The following DAGLA variants were observed in gnomAD, a reference collection of about 807,000 sequenced individuals.
DAGLA encodes diacylglycerol lipase alpha.
DAGLA carries 22 observed loss-of-function variants against 102.6 expected under a neutral mutation model. That is an observed-to-expected ratio of 0.21 (90% CI 0.15 to 0.31). The LOEUF (loss-of-function observed/expected upper bound fraction) is 0.31. Among genes scored for constraint, DAGLA ranks in the 10% least tolerant of loss-of-function variants. The pLI is 1.00. For synonymous variants in DAGLA, 578 were observed against 628.9 expected, an observed-to-expected ratio of 0.92 and a Z score of 1.21; for missense variants, 927 against 1,446.6, an observed-to-expected ratio of 0.64 and a Z score of 5.83.
At chr11:61,718,786 C>T (rs1292690912) in intron 1 of DAGLA, among the ~76,000 whole-genome samples, 1 of 152,224 alleles carries the variant, frequency 6.6e-6, no homozygotes, top group African/African-American at 2.4e-5. Context: ...CCACAGCTCG[C>T]CAAGTGGCTG....
In DAGLA at chr11:61,738,728, G is replaced by T. The variant is rs562191740; in HGVS notation, c.1656+521G>T. On this transcript the variant is annotated intron_variant, in intron 16 of 19. Coordinates refer to ENST00000257215, the MANE Select transcript of DAGLA (RefSeq NM_006133.3). ...GGTCTCTGGAGGACACTGGCAGACGGGGTGGCCAGGTGGGGGTGGGGACAT... is the reference window on the plus strand; with the variant it reads ...GGTCTCTGGAGGACACTGGCAGACGTGGTGGCCAGGTGGGGGTGGGGACAT... 2.6e-5 allele frequency among the ~76,000 whole-genome samples: 4 copies of T among 152,302 alleles called. No individual in the cohort carries two copies. In the South Asian group the frequency reaches 8.3e-4, roughly 32 times the overall value.
At chr11:61,736,395 C>T (rs1309800268) in intron 13 of DAGLA, 45 bp downstream of exon 13, 5 of 1,497,084 alleles carry the variant, frequency 3.3e-6, no homozygotes, top group African/African-American at 1.4e-5. Context: ...ACCTGGGTCC[C>T]CCTCCTCCAA....
chr11:61,722,964 C>T lies in DAGLA; in HGVS notation c.409+4C>T, dbSNP rs771379549. On this transcript the variant is annotated splice_donor_region_variant and intron_variant, in intron 4 of 19. Coordinates refer to ENST00000257215, the MANE Select transcript of DAGLA (RefSeq NM_006133.3). ...ACTGCCAAGAATGTCACCCTCGGTACGTCTGGGTGAGGCCTGCTGGAGCCT... is the reference window on the plus strand; with the variant it reads ...ACTGCCAAGAATGTCACCCTCGGTATGTCTGGGTGAGGCCTGCTGGAGCCT... The T allele has an allele frequency of 3.8e-5, 61 of 1,608,964 alleles. No homozygotes were observed. The highest frequency in any genetic ancestry group is 1.8e-4 in the East Asian group (8 of 44,846).
chr11:61,721,900 C>T (rs941531386), intron 3 of DAGLA, among the ~76,000 whole-genome samples: 4 of 152,254 alleles, frequency 2.6e-5, no homozygotes, highest in South Asian at 2.1e-4. Flanking sequence ...TTTGAACCCA[C>T]GCTGTCTGGC....
At chr11:61,739,438 C>A in intron 16 of DAGLA, 27 bp from the exon 17 acceptor site, 1 of 1,608,148 alleles carries the variant, frequency 6.2e-7, no homozygotes, top group Admixed American at 1.7e-5. Flanking sequence ...AGCTCTGTCC[C>A]CATCTCTCCC....
intron 14 of DAGLA, among the ~76,000 whole-genome samples, 155 bp downstream of exon 14, chr11:61,737,479 C>G (rs1429370675): frequency 6.6e-6 from 1 of 151,976 alleles, no homozygotes; most frequent in East Asian, 1.9e-4. Flanking sequence ...CTCTGAAATG[C>G]CATGCGCCCC....
intron 3 of DAGLA, 50 bp from the exon 4 acceptor site, chr11:61,722,809 C>G: frequency 1.3e-6 from 2 of 1,510,312 alleles, no homozygotes; most frequent in Non-Finnish European, 1.8e-6. Flanking sequence ...AGGCCCTTCC[C>G]TGGCATGCAA....
chr11:61,739,462 C>T lies in DAGLA; in HGVS notation c.1657-3C>T, dbSNP rs780055445. On this transcript the variant is annotated splice_polypyrimidine_tract_variant and splice_region_variant and intron_variant, in intron 16 of 19. Coordinates refer to ENST00000257215, the MANE Select transcript of DAGLA (RefSeq NM_006133.3). ...CCCATCTCTCCCACTCCACCCCGCG[C>T]AGTGGCGGATCATCGTGGGGGCCAC... 1 of 1,613,110 alleles carries T rather than the reference C, an allele frequency of 6.2e-7. No individual in the cohort carries two copies. Among genetic ancestry groups the T allele is most frequent in the East Asian group, 2.2e-5 (1 of 44,862 alleles).
At chr11:61,682,309 C>A (rs571661489) in intron 1 of DAGLA, among the ~76,000 whole-genome samples, 15 of 152,204 alleles carry the variant, frequency 9.9e-5, no homozygotes, top group African/African-American at 3.6e-4. Context: ...AGTAAAGAGA[C>A]CAGGGCTGGA....
rs1367225064 is a variant in DAGLA, at chr11:61,728,951, C to T, written c.792C>T (p.Ala264=). Residue 264 remains alanine (A), a synonymous_variant, in exon 8 of 20, where the codon GCC becomes GCT. Coordinates refer to ENST00000257215, the MANE Select transcript of DAGLA (RefSeq NM_006133.3). The part of the protein sequence containing the change: ...VLDEANNDIL[A]FLSGMPVTRN... ...TACAGGCAAACAATGACATCTTGGC[C>T]TTCCTGTCTGGGATGCCGGTGACCA... 2.5e-6 allele frequency: 4 copies of T among 1,614,204 alleles called. No homozygotes were observed. In the South Asian group the frequency reaches 4.4e-5, roughly 18 times the overall value.
At chr11:61,726,301 G>A (rs991147388) in intron 6 of DAGLA, among the ~76,000 whole-genome samples, 4 of 152,214 alleles carry the variant, frequency 2.6e-5, no homozygotes, top group Admixed American at 6.5e-5. Context: ...CAAGGGAACA[G>A]AAAGCTGTGA....
At chr11:61,732,991 G>C (rs958378171) in intron 9 of DAGLA, among the ~76,000 whole-genome samples, 1 of 152,174 alleles carries the variant, frequency 6.6e-6, no homozygotes, top group African/African-American at 2.4e-5. Flanking sequence ...GGTCCTCCTG[G>C]CCCACACATC....
At chr11:61,689,347 G>A (rs1308607800) in intron 1 of DAGLA, among the ~76,000 whole-genome samples, 1 of 152,156 alleles carries the variant, frequency 6.6e-6, no homozygotes, top group African/African-American at 2.4e-5. Context: ...GAGTCTGCCT[G>A]GTCTCCAAGA....
In DAGLA at chr11:61,687,841, G is replaced by A. The variant is rs142724827; in HGVS notation, c.-45+7337G>A. On this transcript the variant is annotated intron_variant, in intron 1 of 19. Coordinates refer to ENST00000257215, the MANE Select transcript of DAGLA (RefSeq NM_006133.3). ...TCCTCATGACCATAACAAGGAGCAT[G>A]GGACTGCTGGGCCTGGAGTGTTCCT... is the stretch of plus-strand genomic sequence containing the variant. Among the ~76,000 whole-genome samples the A allele has an allele frequency of 2.7e-3, 409 of 152,312 alleles. 2 individuals are homozygous for A. The highest frequency in any genetic ancestry group is 9.2e-3 in the African/African-American group (384 of 41,558).
At chr11:61,712,540 C>T (rs1225587828) in intron 1 of DAGLA, among the ~76,000 whole-genome samples, 1 of 152,256 alleles carries the variant, frequency 6.6e-6, no homozygotes, top group East Asian at 1.9e-4. Flanking sequence ...GGACCTATCT[C>T]ATGCTGAAAT....
intron 1 of DAGLA, among the ~76,000 whole-genome samples, chr11:61,690,674 C>T (rs532083286): frequency 3.9e-5 from 6 of 152,228 alleles, no homozygotes; most frequent in East Asian, 3.9e-4. Flanking sequence ...TTAGAGGCTG[C>T]GTGTTTGTAG....
At chr11:61,725,641 C>T (rs1294127098) in intron 5 of DAGLA, among the ~76,000 whole-genome samples, 1 of 152,160 alleles carries the variant, frequency 6.6e-6, no homozygotes, top group Non-Finnish European at 1.5e-5. Context: ...AGGGTAGCCC[C>T]CACTTAGGGC....
Position 61,729,197 on chromosome 11 carries a change from C to T in DAGLA, c.849+189C>T, listed in dbSNP as rs200650990. Among the ~76,000 whole-genome samples, 27 of 152,350 alleles carry T rather than the reference C, an allele frequency of 1.8e-4. No individual in the cohort carries two copies. In the East Asian group the frequency reaches 5.2e-3, roughly 29 times the overall value. Reference sequence around the variant, plus strand: ...CTCACGAGAACCACCCACTTCACACCGGTTCGACAGACAAATCCCCTGAAT... The same window carrying T: ...CTCACGAGAACCACCCACTTCACACTGGTTCGACAGACAAATCCCCTGAAT... On this transcript the variant is annotated intron_variant, in intron 8 of 19. Transcript: ENST00000257215.
chr11:61,688,953 C>T (rs750732334), intron 1 of DAGLA, among the ~76,000 whole-genome samples: 36 of 152,248 alleles, frequency 2.4e-4, no homozygotes, highest in Non-Finnish European at 3.7e-4. Flanking sequence ...GAAGATGACA[C>T]GTGCTGCCAG....
Sources: gnomAD v4.1 joint callset for allele counts (sites outside exome capture counted in the v4.1 genomes callset) on GRCh38, gnomAD v4.1.1 for gene constraint, MANE v1.5 for transcripts, NCBI Gene and HGNC (gene_info 2026-07-23, HGNC 2026-07-21) for gene names.